NFIB: variants seen among roughly 807,000 people sequenced by gnomAD.
NFIB encodes the protein nuclear factor 1 B-type.
A neutral mutation model predicts 61.5 loss-of-function variants in NFIB; 11 were observed. The observed-to-expected ratio is 0.18, with a 90% CI of 0.11 to 0.30. The LOEUF (loss-of-function observed/expected upper bound fraction) is 0.30, where lower values mean the gene tolerates loss of function less well. NFIB is among the 10% of genes least tolerant of loss of function. The pLI is 1.00. For missense variants in NFIB, 471 were observed against 608.9 expected (o/e 0.77, Z 2.38); for synonymous variants, 260 against 216.5 (o/e 1.20, Z -1.76).
At chr9:14,295,549 T>C (rs1379683505) in intron 2 of NFIB, among the ~76,000 whole-genome samples, 2 of 151,964 alleles carry the variant, frequency 1.3e-5, no homozygotes, top group Non-Finnish European at 2.9e-5. Context: ...GAGAATGGCG[T>C]GAACCCGGGA....
intron 2 of NFIB, among the ~76,000 whole-genome samples, chr9:14,188,797 T>G (rs1039752914): frequency 6.6e-6 from 1 of 152,226 alleles, no homozygotes. Context: ...TCAGCTATAC[T>G]ATGTAATATA....
At chr9:14,304,361 T>C (rs1330092793) in intron 2 of NFIB, among the ~76,000 whole-genome samples, 2 of 152,254 alleles carry the variant, frequency 1.3e-5, no homozygotes, top group African/African-American at 4.8e-5. Flanking sequence ...ATGCAGTGTG[T>C]GATCTTGTAT....
chr9:14,310,722 A>ATTG, intron 1 of NFIB, among the ~76,000 whole-genome samples: 1 of 152,220 alleles, frequency 6.6e-6, no homozygotes, highest in Non-Finnish European at 1.5e-5. Flanking sequence ...AATTTTTAGT[A>ATTG]AAATGCATTG....
chr9:14,176,687 A>G (rs768242954), intron 3 of NFIB, among the ~76,000 whole-genome samples: 7 of 152,174 alleles, frequency 4.6e-5, no homozygotes, highest in Non-Finnish European at 1.0e-4. Context: ...CTATCTGTAG[A>G]TGTCCATACT....
At chr9:14,497,808 A>G in the NFIB span, among the ~76,000 whole-genome samples, 1 of 152,216 alleles carries the variant, frequency 6.6e-6, no homozygotes, top group Admixed American at 6.5e-5. Flanking sequence ...GCTTGCAGGA[A>G]GAGTGAGGGT....
intron 2 of NFIB, among the ~76,000 whole-genome samples, chr9:14,210,559 AAC>A (rs1190925951): frequency 1.3e-5 from 2 of 151,924 alleles, no homozygotes; most frequent in Admixed American, 6.6e-5. Flanking sequence ...CACTCACACA[AAC>A]ACACACCCAC....
intron 2 of NFIB, among the ~76,000 whole-genome samples, chr9:14,222,037 T>C (rs1364893342): frequency 2.0e-5 from 3 of 152,184 alleles, no homozygotes; most frequent in African/African-American, 7.2e-5. Context: ...TGGCTTAAAT[T>C]AGAAGGTAGC....
the NFIB span, among the ~76,000 whole-genome samples, chr9:14,481,178 AGT>A: frequency 6.5e-4 from 44 of 67,328 alleles, 1 homozygote; most frequent in African/African-American, 2.5e-3. Flanking sequence ...TCAAAAACTG[AGT>A]GTGTGTGTGT....
the NFIB span, among the ~76,000 whole-genome samples, chr9:14,416,449 T>C: frequency 6.6e-6 from 1 of 151,910 alleles, no homozygotes; most frequent in Non-Finnish European, 1.5e-5. Context: ...GTAATAGTGA[T>C]GACCCTGACC....
chr9:14,232,924 T>G (rs1448553538), intron 2 of NFIB, among the ~76,000 whole-genome samples: 1 of 152,092 alleles, frequency 6.6e-6, no homozygotes, highest in Non-Finnish European at 1.5e-5. Flanking sequence ...TAAAGCAGAG[T>G]CCACAGTGGC....
At chr9:14,477,462 G>C in the NFIB span, among the ~76,000 whole-genome samples, 1 of 152,038 alleles carries the variant, frequency 6.6e-6, no homozygotes, top group Non-Finnish European at 1.5e-5. Context: ...GGCCTAAAAG[G>C]ATTTTTTTGA....
the NFIB span, among the ~76,000 whole-genome samples, chr9:14,516,550 A>T: frequency 6.6e-6 from 1 of 152,204 alleles, no homozygotes; most frequent in Non-Finnish European, 1.5e-5. Context: ...TTGCATGGGA[A>T]ATTATCTGTT....
At chr9:14,116,055 G>T (rs2038087732) in intron 9 of NFIB, 153 bp downstream of exon 9, 2 of 897,668 alleles carry the variant, frequency 2.2e-6, no homozygotes, top group Non-Finnish European at 3.0e-6. Flanking sequence ...ATGCCTGCTA[G>T]CTCCACTTAA....
intron 10 of NFIB, among the ~76,000 whole-genome samples, chr9:14,109,175 T>C (rs1332650386): frequency 6.6e-6 from 1 of 152,052 alleles, no homozygotes; most frequent in Non-Finnish European, 1.5e-5. Context: ...TCTCTTATTA[T>C]TCATCCATGC....
chr9:14,231,135 A>AAAAAAAAATATAT (rs55959148), intron 2 of NFIB, among the ~76,000 whole-genome samples: 76 of 35,346 alleles, frequency 2.2e-3, no homozygotes, highest in Non-Finnish European at 3.5e-3. Context: ...AAAAAAAAAA[A>AAAAAAAAATATAT]ATATATATAT....
chr9:14,488,695 T>C, the NFIB span, among the ~76,000 whole-genome samples: 2 of 152,274 alleles, frequency 1.3e-5, no homozygotes, highest in East Asian at 3.9e-4. Context: ...CTTCCTTGAG[T>C]AATGATTCTA....
At chr9:14,441,969 G>A in the NFIB span, among the ~76,000 whole-genome samples, 1 of 152,140 alleles carries the variant, frequency 6.6e-6, no homozygotes, top group Non-Finnish European at 1.5e-5. Context: ...ACCATTTGTT[G>A]AGCACATAGT....
intron 2 of NFIB, among the ~76,000 whole-genome samples, chr9:14,266,031 T>C (rs1745506206): frequency 6.6e-6 from 1 of 152,108 alleles, no homozygotes; most frequent in African/African-American, 2.4e-5. Flanking sequence ...GGATGTTTGG[T>C]GTGATGACAG....
chr9:14,498,779 C>G, the NFIB span, among the ~76,000 whole-genome samples: 15 of 108,026 alleles, frequency 1.4e-4, no homozygotes, highest in African/African-American at 4.9e-4. Context: ...CCCTCCCTCC[C>G]TCCCTCCCTC....
Sources: allele counts gnomAD v4.1 joint callset (sites outside exome capture counted in the v4.1 genomes callset), GRCh38; gene constraint gnomAD v4.1.1; transcripts MANE v1.5; gene names NCBI Gene and HGNC (gene_info 2026-07-23, HGNC 2026-07-21).